The following CDC42BPB variants were observed in gnomAD, a reference collection of about 807,000 sequenced individuals.
The protein encoded by CDC42BPB is serine/threonine-protein kinase MRCK beta.
A neutral mutation model predicts 214.9 loss-of-function variants in CDC42BPB; 37 were observed. The observed-to-expected ratio is 0.17, with a 90% confidence interval of 0.13 to 0.23. The LOEUF (loss-of-function observed/expected upper bound fraction) is 0.23. Among genes scored for constraint, CDC42BPB ranks in the 10% least tolerant of loss-of-function variants. CDC42BPB has a pLI of 1.00. For synonymous variants in CDC42BPB, 931 were observed against 884.0 expected (o/e 1.05, Z -0.94); for missense variants, 1,694 against 2,227.0 (o/e 0.76, Z 4.82).
chr14:102,937,163 A>G (rs1891679160), intron 36 of CDC42BPB: 1 of 152,298 alleles, frequency 6.6e-6, no homozygotes, highest in Non-Finnish European at 1.5e-5. Flanking sequence ...GTATAATGTG[A>G]CAGCCTAAGA....
chr14:102,939,229 A>G (rs1160224894), intron 34 of CDC42BPB, among the ~76,000 whole-genome samples: 1 of 152,200 alleles, frequency 6.6e-6, no homozygotes, highest in Non-Finnish European at 1.5e-5. Context: ...ATGAGCCACC[A>G]CGCCCAGCCA....
At chr14:103,048,129 G>A (rs548474092) in intron 1 of CDC42BPB, among the ~76,000 whole-genome samples, 7 of 152,304 alleles carry the variant, frequency 4.6e-5, no homozygotes, top group East Asian at 3.9e-4. Flanking sequence ...GGCCCAGGCT[G>A]AAACAGAAAA....
At chr14:103,033,519 G>C (rs1346473490) in intron 1 of CDC42BPB, among the ~76,000 whole-genome samples, 1 of 152,096 alleles carries the variant, frequency 6.6e-6, no homozygotes, top group Non-Finnish European at 1.5e-5. Flanking sequence ...ACCGCACCCA[G>C]CTGCTCTACT....
intron 21 of CDC42BPB, among the ~76,000 whole-genome samples, chr14:102,957,105 G>A (rs920998036): frequency 2.0e-5 from 3 of 148,672 alleles, no homozygotes; most frequent in Non-Finnish European, 3.0e-5. Context: ...GGATGCTGAG[G>A]CACAAGAATT....
rs765591405 is a variant in CDC42BPB, at chr14:102,954,216, C to A, written c.3048G>T (p.Leu1016=). 1.2e-5 allele frequency: 18 copies of A among 1,549,298 alleles called. No individual in the cohort carries two copies. Among genetic ancestry groups the A allele is most frequent in the Middle Eastern group, 3.3e-4 (2 of 5,994 alleles). ...CCCCTACCTTCGGTCCAGCCAGAGCCAGGGCCTGCGTGGTGGGCAACGGCA... is the reference window on the plus strand; with the variant it reads ...CCCCTACCTTCGGTCCAGCCAGAGCAAGGGCCTGCGTGGTGGGCAACGGCA... ...SAVPLPTTQA[L]ALAGPKPKAH... The change falls in exon 23 of 37, where the codon CTG becomes CTT. Residue 1016 remains leucine (L), a synonymous_variant. Coordinates refer to ENST00000361246, the MANE Select transcript of CDC42BPB (RefSeq NM_006035.4).
intron 1 of CDC42BPB, among the ~76,000 whole-genome samples, chr14:103,023,736 C>T (rs570658679): frequency 3.3e-5 from 5 of 152,204 alleles, no homozygotes; most frequent in African/African-American, 1.2e-4. Context: ...TAAACATATA[C>T]ACTTTTATTA....
At position 103,048,184 on chromosome 14, in the gene CDC42BPB, G is replaced by A. The variant is rs1194973173; in HGVS notation, c.175+8815C>T. Among the ~76,000 whole-genome samples the A allele has an allele frequency of 3.3e-5, 5 of 152,288 alleles. No homozygotes were observed. In the East Asian group the frequency reaches 9.7e-4, roughly 29 times the overall value. ...TGAAGGTGATAAGATTATGTGAGGTGTTTAATGGAGGAGTTCTAGTTAAAA... is the reference window on the plus strand; with the variant it reads ...TGAAGGTGATAAGATTATGTGAGGTATTTAATGGAGGAGTTCTAGTTAAAA... On this transcript the variant is annotated intron_variant, in intron 1 of 36. Transcript: ENST00000361246.
chr14:102,937,807 G>A (rs999205885), intron 36 of CDC42BPB, among the ~76,000 whole-genome samples: 4 of 152,244 alleles, frequency 2.6e-5, no homozygotes, highest in African/African-American at 9.6e-5. Flanking sequence ...AAACAACACA[G>A]GGAGTCCAGA....
intron 20 of CDC42BPB, among the ~76,000 whole-genome samples, chr14:102,961,331 C>A (rs1892948233): frequency 6.6e-6 from 1 of 151,722 alleles, no homozygotes; most frequent in African/African-American, 2.4e-5. Context: ...TTTTGAAAAC[C>A]ACCTTTTTTT....
At chr14:102,972,620 C>T (rs1262986467) in intron 12 of CDC42BPB, among the ~76,000 whole-genome samples, 2 of 142,302 alleles carry the variant, frequency 1.4e-5, no homozygotes, top group Non-Finnish European at 3.0e-5. Context: ...ACCTGGGAGG[C>T]AGAGGTTGCA....
intron 1 of CDC42BPB, among the ~76,000 whole-genome samples, chr14:103,038,722 G>A (rs373021269): frequency 1.7e-5 from 2 of 115,938 alleles, no homozygotes; most frequent in Non-Finnish European, 1.8e-5. Context: ...AGACGGGGGG[G>A]GGGGGCGGGT....
intron 1 of CDC42BPB, among the ~76,000 whole-genome samples, chr14:103,047,174 C>T (rs576967513): frequency 6.7e-6 from 1 of 150,076 alleles, no homozygotes; most frequent in Non-Finnish European, 1.5e-5. Context: ...ATCCCAGCTA[C>T]TTGGGAGGCT....
chr14:102,947,966 A>G (rs1233725719), intron 26 of CDC42BPB, 164 bp from the exon 27 acceptor site: 1 of 983,958 alleles, frequency 1.0e-6, no homozygotes, highest in Non-Finnish European at 1.2e-6. Flanking sequence ...GGGCAGGGCC[A>G]ACAAACTCAA....
chr14:102,939,981 G>C lies in CDC42BPB; in HGVS notation c.4592-34C>G, dbSNP rs373046706. On this transcript the variant is annotated intron_variant, in intron 32 of 36. Transcript: ENST00000361246. The stretch of plus-strand genomic sequence containing the variant: ...GCAGAGCGCGCGGTGACGGTGCTGC[G>C]GCACCAGGGACACACGCCCCTCCAA... 4.3e-6 allele frequency: 7 copies of C among 1,613,556 alleles called. No individual in the cohort carries two copies. In the Admixed American group the frequency reaches 6.7e-5, roughly 15 times the overall value.
At position 102,944,982 on chromosome 14, in the gene CDC42BPB, TCA is replaced by T. The variant is rs1892087952; in HGVS notation, c.3812-497_3812-496del. ...AGGGCCCCCAGTGAAGACACTGCCC[TCA>T]CACTCACACGGCCCCCAGTGAAGAC... On this transcript the variant is annotated intron_variant, in intron 29 of 36. Coordinates refer to ENST00000361246, the MANE Select transcript of CDC42BPB (RefSeq NM_006035.4). The surrounding 1 kb of genome is among the most constrained non-coding windows in gnomAD (Gnocchi z 6.6). Among the ~76,000 whole-genome samples, 1 of 151,758 alleles carries T rather than the reference TCA, an allele frequency of 6.6e-6. No individual in the cohort carries two copies. The highest frequency in any genetic ancestry group is 2.4e-5 in the African/African-American group (1 of 41,266).
intron 1 of CDC42BPB, among the ~76,000 whole-genome samples, chr14:103,049,276 C>G (rs1888474036): frequency 1.3e-5 from 2 of 152,180 alleles, no homozygotes; most frequent in Admixed American, 1.3e-4. Flanking sequence ...TAGTAACATC[C>G]CACCCCCGGC....
At chr14:103,026,253 T>C (rs906061939) in intron 1 of CDC42BPB, among the ~76,000 whole-genome samples, 1 of 151,766 alleles carries the variant, frequency 6.6e-6, no homozygotes, top group African/African-American at 2.4e-5. Flanking sequence ...TAGCTGGGCA[T>C]GGTGGCACAT....
rs143546077 is a variant in CDC42BPB, at chr14:103,029,649, G to C, written c.176-17461C>G. ...ACATGGGCGGATCACGAGGTCAAGAGATCGAGAGCATCCTGGCCAACATGG... is the reference window on the plus strand; with the variant it reads ...ACATGGGCGGATCACGAGGTCAAGACATCGAGAGCATCCTGGCCAACATGG... On this transcript the variant is annotated intron_variant, in intron 1 of 36. Coordinates refer to ENST00000361246, the MANE Select transcript of CDC42BPB (RefSeq NM_006035.4). Among the ~76,000 whole-genome samples the C allele has an allele frequency of 4.8e-3, 721 of 151,552 alleles. 4 individuals are homozygous for C. The highest frequency in any genetic ancestry group is 8.3e-3 in the Non-Finnish European group (562 of 67,922).
At chr14:102,969,923 GA>G (rs1412654596) in intron 14 of CDC42BPB, among the ~76,000 whole-genome samples, 2 of 152,236 alleles carry the variant, frequency 1.3e-5, no homozygotes, top group Non-Finnish European at 2.9e-5. Context: ...TGAATTGCCT[GA>G]AACTTTTATA....
Sources: allele counts gnomAD v4.1 joint callset (sites outside exome capture counted in the v4.1 genomes callset), GRCh38; gene constraint gnomAD v4.1.1; non-coding constraint Gnocchi (gnomAD v3.1); transcripts MANE v1.5; gene names NCBI Gene and HGNC (gene_info 2026-07-23, HGNC 2026-07-21).